The following NBEAL1 variants were observed in gnomAD, a reference collection of about 807,000 sequenced individuals.
NBEAL1 encodes the protein neurobeachin like 1, also known as neurobeachin-like protein 1.
A neutral mutation model predicts 351.3 loss-of-function variants in NBEAL1; 273 were observed. That is an observed-to-expected ratio of 0.78 (90% CI 0.70 to 0.86). The LOEUF is 0.86. NBEAL1 is among the 40% of genes least tolerant of loss of function. The pLI is 0.00. For synonymous variants in NBEAL1, 1,050 were observed against 1,086.4 expected (o/e 0.97, Z 0.66); for missense variants, 2,961 against 3,201.3 (o/e 0.92, Z 1.81).
At chr2:203,075,314 T>C (rs1208795174) in intron 7 of NBEAL1, among the ~76,000 whole-genome samples, 1 of 152,222 alleles carries the variant, frequency 6.6e-6, no homozygotes, top group African/African-American at 2.4e-5. Flanking sequence ...ATTCCTTGCC[T>C]TGATTATATT....
chr2:203,118,626 C>G (rs1267050974), intron 18 of NBEAL1, among the ~76,000 whole-genome samples: 1 of 148,708 alleles, frequency 6.7e-6, no homozygotes, highest in African/African-American at 2.5e-5. Flanking sequence ...GAGTCTCGCT[C>G]TCTCACCCAG....
chr2:203,196,138 A>G (rs1275276302), intron 47 of NBEAL1, among the ~76,000 whole-genome samples: 2 of 152,206 alleles, frequency 1.3e-5, no homozygotes, highest in Admixed American at 6.5e-5. Flanking sequence ...ATGCAATACT[A>G]TATTTCTTCT....
At position 203,203,536 on chromosome 2, in the gene NBEAL1, A is replaced by G. The variant is rs868559098; in HGVS notation, c.7506+755A>G. On this transcript the variant is annotated intron_variant, in intron 51 of 55. Transcript: ENST00000683969. ...CTCCCACTCCAAATTTATAAAAAGT[A>G]TCTAGAAATTTTCTTCCATTTAAAA... Among the ~76,000 whole-genome samples, 54 of 152,088 alleles carry G rather than the reference A, an allele frequency of 3.6e-4. No homozygotes were observed. In the Middle Eastern group the frequency reaches 0.014, roughly 38 times the overall value.
At chr2:203,181,643 G>A (rs896734437) in intron 43 of NBEAL1, 1 of 152,112 alleles carries the variant, frequency 6.6e-6, no homozygotes, top group African/African-American at 2.4e-5. Context: ...GCCCTAACAT[G>A]TAATGTTAGT....
At chr2:203,150,152 GC>G (rs1264155502) in intron 34 of NBEAL1, among the ~76,000 whole-genome samples, 2 of 152,082 alleles carry the variant, frequency 1.3e-5, no homozygotes, top group African/African-American at 4.8e-5. Context: ...TTCCACAGCA[GC>G]TGCATCATTT....
At chr2:203,054,791 C>G (rs535235769) in intron 4 of NBEAL1, among the ~76,000 whole-genome samples, 1 of 152,296 alleles carries the variant, frequency 6.6e-6, no homozygotes, top group African/African-American at 2.4e-5. Flanking sequence ...TAGGATCCCT[C>G]TAATACAGTG....
chr2:203,171,939 CAG>C lies in NBEAL1; in HGVS notation c.6120_6121del (p.Glu2040AspfsTer5), dbSNP rs770595216. ...TTTGTGCTGTCTAGAAATGGGTAAA[CAG>C]AGAGATATCAAATTTTGACTACCTC... ...ASGLTQKWVN[R>X]EISNFDYLIQ... On this transcript the variant is annotated frameshift_variant, in exon 40 of 56. Coordinates refer to ENST00000683969, the MANE Select transcript of NBEAL1 (RefSeq NM_001378026.1). LOFTEE classifies it high-confidence loss of function. 1.9e-6 allele frequency: 3 copies of C among 1,591,702 alleles called. No homozygotes were observed. The highest frequency in any genetic ancestry group is 2.6e-6 in the Non-Finnish European group (3 of 1,169,836).
At position 203,081,136 on chromosome 2, in the gene NBEAL1, C is replaced by T. The variant is rs181379940; in HGVS notation, c.685-2083C>T. On this transcript the variant is annotated intron_variant, in intron 8 of 55. Transcript: ENST00000683969. ...TTGGAAAGTTGTTTGTTGAATATGGCATTAGTACAAGGGTGTTTAGAGGAA... is the reference window on the plus strand; with the variant it reads ...TTGGAAAGTTGTTTGTTGAATATGGTATTAGTACAAGGGTGTTTAGAGGAA... 4.9e-4 allele frequency among the ~76,000 whole-genome samples: 75 copies of T among 152,228 alleles called. 1 individual carries two copies. Among genetic ancestry groups the T allele is most frequent in the African/African-American group, 1.8e-3 (74 of 41,532 alleles).
chr2:203,201,509 T>G (rs1156433691), intron 49 of NBEAL1, 34 bp from the exon 50 acceptor site: 1 of 1,468,794 alleles, frequency 6.8e-7, no homozygotes. Flanking sequence ...CGTGATCTTG[T>G]AAGGAAAAGT....
At chr2:203,138,586 G>T in intron 30 of NBEAL1, 34 bp from the exon 31 acceptor site, 2 of 1,555,500 alleles carry the variant, frequency 1.3e-6, no homozygotes, top group South Asian at 1.2e-5. Flanking sequence ...AAAACTGAAT[G>T]TTTTTATTTC....
In NBEAL1 at chr2:203,083,236, A is replaced by G. The variant is rs1226575113; in HGVS notation, c.702A>G (p.Ala234=). Residue 234 remains alanine, a synonymous_variant, in exon 9 of 56, where the codon GCA becomes GCG. Transcript: ENST00000683969. ...VAGGQRNALQ[A]ISPATMEVLM... ...TGTTTCAGAGGAATGCTTTGCAAGCAATTTCTCCAGCCACTATGGAAGTTC... is the reference window on the plus strand; with the variant it reads ...TGTTTCAGAGGAATGCTTTGCAAGCGATTTCTCCAGCCACTATGGAAGTTC... 1.3e-6 allele frequency: 2 copies of G among 1,551,142 alleles called. No homozygotes were observed. The highest frequency in any genetic ancestry group is 1.7e-6 in the Non-Finnish European group (2 of 1,146,670).
At chr2:203,073,968 T>C (rs1022562575) in intron 7 of NBEAL1, among the ~76,000 whole-genome samples, 5 of 152,170 alleles carry the variant, frequency 3.3e-5, no homozygotes, top group Admixed American at 3.3e-4. Flanking sequence ...ATTGGGGAAA[T>C]GTTGGTCAAA....
intron 7 of NBEAL1, 51 bp from the exon 8 acceptor site, chr2:203,077,701 T>C: frequency 9.3e-7 from 1 of 1,077,432 alleles, no homozygotes. Context: ...AGATAAATCA[T>C]ACTGTGAAAG....
chr2:203,103,547 C>T (rs2062372366), intron 12 of NBEAL1, among the ~76,000 whole-genome samples: 1 of 152,194 alleles, frequency 6.6e-6, no homozygotes, highest in South Asian at 2.1e-4. Flanking sequence ...GCTGGGATCA[C>T]AGATGTGAGC....
chr2:203,144,865 A>G lies in NBEAL1; in HGVS notation c.5114A>G (p.Tyr1705Cys), dbSNP rs2063468870. 6.2e-7 allele frequency: 1 copy of G among 1,604,742 alleles called. No homozygotes were observed. The highest frequency in any genetic ancestry group is 8.5e-7 in the Non-Finnish European group (1 of 1,176,638). Residue 1705 changes from tyrosine to cysteine, a missense_variant, in exon 32 of 56, where the codon TAT (tyrosine) becomes TGT (cysteine). By Grantham distance (194) the Tyr-to-Cys change is radical (BLOSUM62 -2). Transcript: ENST00000683969. ...SSSFFEDFQE[Y>C]CNSNEWQVYI... The stretch of plus-strand genomic sequence containing the variant: ...TCATTTTTTGAAGATTTTCAAGAAT[A>G]TTGTAATTCAAATGAATGGCAAGTT...
chr2:203,191,765 T>C (rs17409348), intron 46 of NBEAL1, among the ~76,000 whole-genome samples: 9,298 of 152,292 alleles, frequency 0.061, 412 homozygotes, highest in Admixed American at 0.083. Flanking sequence ...CCTGACCATC[T>C]AACTCCAAAG....
intron 2 of NBEAL1, among the ~76,000 whole-genome samples, chr2:203,026,164 T>C (rs1234634482): frequency 6.6e-6 from 1 of 152,206 alleles, no homozygotes; most frequent in Non-Finnish European, 1.5e-5. Flanking sequence ...GGTTTTCCTG[T>C]TATGTTAGCT....
chr2:203,065,101 C>CA lies in NBEAL1; in HGVS notation c.516-3284dup, dbSNP rs1237504329. Among the ~76,000 whole-genome samples the CA allele has an allele frequency of 7.3e-5, 11 of 151,496 alleles. No homozygotes were observed. The South Asian group carries it at 8.3e-4, about 11-fold the overall frequency. Reference sequence around the variant, plus strand: ...AGCAGGACCCCATCTTCACAAAAAACAAAAAAAATTAACTGGGTATGGTGG... The same window carrying CA: ...AGCAGGACCCCATCTTCACAAAAAACAAAAAAAAATTAACTGGGTATGGTGG... On this transcript the variant is annotated intron_variant, in intron 6 of 55. Transcript: ENST00000683969.
chr2:203,033,612 T>TA (rs2060988635), intron 2 of NBEAL1, among the ~76,000 whole-genome samples: 2 of 152,210 alleles, frequency 1.3e-5, no homozygotes, highest in South Asian at 4.1e-4. Flanking sequence ...CATAATGAAA[T>TA]ACCAGATCTA....
Sources: allele counts gnomAD v4.1 joint callset (sites outside exome capture counted in the v4.1 genomes callset), GRCh38; gene constraint gnomAD v4.1.1; transcripts MANE v1.5; gene names NCBI Gene and HGNC (gene_info 2026-07-23, HGNC 2026-07-21).